The following TRMT11 variants were observed in gnomAD, a reference collection of about 807,000 sequenced individuals.
The protein encoded by TRMT11 is tRNA methyltransferase 11.
TRMT11 carries 53 observed loss-of-function variants against 62.8 expected under a neutral mutation model. The observed-to-expected ratio is 0.84, with a 90% confidence interval of 0.68 to 1.06. The LOEUF (loss-of-function observed/expected upper bound fraction) is 1.06. TRMT11 is among the 50% of genes least tolerant of loss of function. The pLI, the probability that TRMT11 is intolerant of heterozygous loss-of-function variation, is 0.00. For missense variants in TRMT11, 556 were observed against 553.4 expected, an observed-to-expected ratio of 1.00 and a Z score of -0.05; for synonymous variants, 188 against 190.3, an observed-to-expected ratio of 0.99 and a Z score of 0.10.
chr6:126,259,761 G>A, the TRMT11 span, among the ~76,000 whole-genome samples: 6 of 152,072 alleles, frequency 3.9e-5, no homozygotes, highest in African/African-American at 9.7e-5. Flanking sequence ...CAGTTTGGGT[G>A]CATATATATT....
chr6:126,117,521 T>C (rs948874119), intron 21 of TRMT11, among the ~76,000 whole-genome samples: 1 of 152,084 alleles, frequency 6.6e-6, no homozygotes, highest in African/African-American at 2.4e-5. Context: ...GTTGAATGAG[T>C]AGGTCAAACA....
intron 1 of TRMT11, among the ~76,000 whole-genome samples, chr6:126,188,033 A>G (rs1392713458): frequency 6.6e-6 from 1 of 151,884 alleles, no homozygotes; most frequent in Non-Finnish European, 1.5e-5. Flanking sequence ...TCAAGAAAAT[A>G]TCTTTGTGAT....
chr6:126,005,499 CACGTGGTAG>C (rs1410460272), intron 7 of TRMT11, among the ~76,000 whole-genome samples: 1 of 151,970 alleles, frequency 6.6e-6, no homozygotes, highest in Admixed American at 6.6e-5. Context: ...AGTTGCCTGA[CACGTGGTAG>C]ACATTTAGTG....
intron 21 of TRMT11, among the ~76,000 whole-genome samples, chr6:126,157,332 A>C (rs1427223704): frequency 2.0e-5 from 3 of 152,176 alleles, no homozygotes; most frequent in African/African-American, 7.2e-5. Context: ...TGAGTCCTTC[A>C]AGTTTGGCTT....
intron 7 of TRMT11, among the ~76,000 whole-genome samples, chr6:126,003,190 A>G (rs1035466291): frequency 5.9e-5 from 9 of 152,132 alleles, no homozygotes; most frequent in African/African-American, 1.4e-4. Context: ...CCCGCAGCCC[A>G]TGGACCACAT....
intron 17 of TRMT11, among the ~76,000 whole-genome samples, chr6:126,088,285 C>T (rs1038853877): frequency 1.3e-5 from 2 of 152,122 alleles, no homozygotes; most frequent in African/African-American, 4.8e-5. Context: ...TCTTCATCAT[C>T]CCTGTATATA....
chr6:126,063,002 A>C (rs191451689), intron 17 of TRMT11, among the ~76,000 whole-genome samples: 5 of 152,348 alleles, frequency 3.3e-5, no homozygotes, highest in Admixed American at 3.3e-4. Flanking sequence ...ACAATATCAT[A>C]AATTAATATT....
chr6:126,139,075 T>C (rs1042479535), intron 21 of TRMT11, among the ~76,000 whole-genome samples: 5 of 151,990 alleles, frequency 3.3e-5, no homozygotes, highest in Non-Finnish European at 7.4e-5. Context: ...GCCCTTTTAT[T>C]TTCCTGGTTC....
chr6:126,117,937 C>T (rs1324734974), intron 21 of TRMT11, among the ~76,000 whole-genome samples: 4 of 152,072 alleles, frequency 2.6e-5, no homozygotes, highest in African/African-American at 9.7e-5. Flanking sequence ...GTTTTGTCCA[C>T]CTTACAGACA....
At chr6:126,267,578 A>G in the TRMT11 span, among the ~76,000 whole-genome samples, 1 of 152,174 alleles carries the variant, frequency 6.6e-6, no homozygotes, top group Non-Finnish European at 1.5e-5. Context: ...TAATTAATTT[A>G]CTCTGCTAAA....
intron 21 of TRMT11, among the ~76,000 whole-genome samples, chr6:126,152,728 C>T (rs1778073234): frequency 6.6e-6 from 1 of 152,060 alleles, no homozygotes; most frequent in Non-Finnish European, 1.5e-5. Flanking sequence ...AAATTTGGCC[C>T]CAAATTCTTT....
chr6:126,027,031 T>A (rs1296997040), intron 12 of TRMT11, among the ~76,000 whole-genome samples: 2 of 149,048 alleles, frequency 1.3e-5, no homozygotes. Flanking sequence ...TGGTCTCGAT[T>A]TCCTGACCTC....
intron 1 of TRMT11, among the ~76,000 whole-genome samples, chr6:125,991,718 A>G (rs909814999): frequency 2.6e-5 from 4 of 152,240 alleles, no homozygotes; most frequent in African/African-American, 9.6e-5. Context: ...CAAGGAAGCT[A>G]TAATGAATGG....
At chr6:126,265,551 A>T in the TRMT11 span, among the ~76,000 whole-genome samples, 1 of 152,170 alleles carries the variant, frequency 6.6e-6, no homozygotes, top group South Asian at 2.1e-4. Context: ...GAAGAATTAC[A>T]TGTAAATTCT....
At chr6:126,016,976 CTT>C (rs1435084570) in intron 11 of TRMT11, among the ~76,000 whole-genome samples, 1 of 152,050 alleles carries the variant, frequency 6.6e-6, no homozygotes, top group Non-Finnish European at 1.5e-5. Flanking sequence ...GGTCTTTACT[CTT>C]TTGAAAATTC....
At chr6:126,064,269 C>T (rs943224864) in intron 17 of TRMT11, among the ~76,000 whole-genome samples, 2 of 152,068 alleles carry the variant, frequency 1.3e-5, no homozygotes, top group Admixed American at 1.3e-4. Context: ...GAGGGCAGCC[C>T]ACGTGTCTCT....
intron 16 of TRMT11, among the ~76,000 whole-genome samples, chr6:126,051,048 G>T (rs1396424976): frequency 6.6e-6 from 1 of 152,170 alleles, no homozygotes; most frequent in Non-Finnish European, 1.5e-5. Flanking sequence ...CTGGGGCTGG[G>T]GCGTGGGAGA....
intron 17 of TRMT11, among the ~76,000 whole-genome samples, chr6:126,096,502 A>G (rs1583873823): frequency 6.6e-6 from 1 of 151,934 alleles, no homozygotes; most frequent in Non-Finnish European, 1.5e-5. Flanking sequence ...TGCTTACATC[A>G]TTAGGTCATG....
chr6:126,127,497 AATTATACTTTAAGTTTTTT>A (rs902478935), intron 21 of TRMT11, among the ~76,000 whole-genome samples: 4 of 150,936 alleles, frequency 2.7e-5, no homozygotes, highest in Admixed American at 2.0e-4. Context: ...TTTTTTTTTT[AATTATACTTTAAGTTTTTT>A]ATTATACTTT....
Sources: allele counts gnomAD v4.1 joint callset (sites outside exome capture counted in the v4.1 genomes callset), GRCh38; gene constraint gnomAD v4.1.1; transcripts MANE v1.5; gene names NCBI Gene and HGNC (gene_info 2026-07-23, HGNC 2026-07-21).